The following PXDNL variants were observed in gnomAD, a reference collection of about 807,000 sequenced individuals.
The protein encoded by PXDNL is probable oxidoreductase PXDNL.
Under a neutral mutation model 150.8 loss-of-function variants are expected in PXDNL, and 145 were observed. The observed-to-expected ratio is 0.96, with a 90% confidence interval of 0.84 to 1.10. The LOEUF is 1.10. PXDNL is among the 50% of genes least tolerant of loss of function. The pLI is 0.00. For synonymous variants in PXDNL, 757 were observed against 725.7 expected (o/e 1.04, Z -0.69); for missense variants, 2,087 against 1,873.9 (o/e 1.11, Z -2.10).
intron 1 of PXDNL, among the ~76,000 whole-genome samples, chr8:51,689,024 C>T (rs187601410): frequency 2.1e-4 from 32 of 152,268 alleles, no homozygotes; most frequent in Middle Eastern, 6.8e-3. Flanking sequence ...CATTAGGAAT[C>T]GGGAATCGGC....
At chr8:51,712,903 A>G (rs1816529196) in intron 1 of PXDNL, among the ~76,000 whole-genome samples, 1 of 152,194 alleles carries the variant, frequency 6.6e-6, no homozygotes, top group African/African-American at 2.4e-5. Flanking sequence ...GTCTCAGAGC[A>G]CTCATTCTAA....
At chr8:51,434,796 T>A (rs59222218) in intron 12 of PXDNL, among the ~76,000 whole-genome samples, 1 of 152,310 alleles carries the variant, frequency 6.6e-6, no homozygotes, top group East Asian at 1.9e-4. Context: ...TATGACAGAA[T>A]GTAACACAGA....
At chr8:51,342,395 T>C (rs1191569262) in intron 20 of PXDNL, among the ~76,000 whole-genome samples, 1 of 152,098 alleles carries the variant, frequency 6.6e-6, no homozygotes, top group African/African-American at 2.4e-5. Context: ...AGGTAGCACA[T>C]GTTATTTTAG....
chr8:51,774,093 GAAGA>G (rs1246111105), intron 1 of PXDNL, among the ~76,000 whole-genome samples: 1 of 152,152 alleles, frequency 6.6e-6, no homozygotes, highest in East Asian at 1.9e-4. Flanking sequence ...GTCTAATTTA[GAAGA>G]AAGTCATTTA....
At chr8:51,502,661 G>C (rs1811210719) in intron 4 of PXDNL, among the ~76,000 whole-genome samples, 1 of 132,422 alleles carries the variant, frequency 7.6e-6, no homozygotes, top group African/African-American at 3.2e-5. Context: ...AAGCCCAGTA[G>C]AAGTGTTTTT....
intron 12 of PXDNL, among the ~76,000 whole-genome samples, chr8:51,438,353 CA>C (rs1809457294): frequency 6.6e-6 from 1 of 152,088 alleles, no homozygotes; most frequent in African/African-American, 2.4e-5. Flanking sequence ...CCCACATAAC[CA>C]AAGCAAGACT....
At chr8:51,510,121 T>G (rs929697304) in intron 4 of PXDNL, among the ~76,000 whole-genome samples, 2 of 152,130 alleles carry the variant, frequency 1.3e-5, no homozygotes, top group Non-Finnish European at 2.9e-5. Flanking sequence ...GAAGGCCAAG[T>G]CACCTATGAA....
intron 12 of PXDNL, among the ~76,000 whole-genome samples, chr8:51,439,824 CAAAA>C (rs36102488): frequency 9.8e-6 from 1 of 101,556 alleles, no homozygotes; most frequent in Admixed American, 1.2e-4. Context: ...GACTCCATCT[CAAAA>C]AAAAAAAAAA....
At chr8:51,616,335 G>A (rs1226734142) in intron 2 of PXDNL, among the ~76,000 whole-genome samples, 1 of 152,166 alleles carries the variant, frequency 6.6e-6, no homozygotes, top group Non-Finnish European at 1.5e-5. Flanking sequence ...TTGTCTGAGA[G>A]AGAACACCAA....
chr8:51,692,964 T>A (rs973801525), intron 1 of PXDNL, among the ~76,000 whole-genome samples: 5 of 152,220 alleles, frequency 3.3e-5, no homozygotes, highest in African/African-American at 1.2e-4. Context: ...TAGGCTCACA[T>A]CAGAAGTCAC....
chr8:51,511,365 C>G (rs1053037795), intron 4 of PXDNL, among the ~76,000 whole-genome samples: 2 of 152,180 alleles, frequency 1.3e-5, no homozygotes, highest in African/African-American at 4.8e-5. Context: ...TATTTGGCCT[C>G]CTTCCCTCCA....
At chr8:51,615,947 A>G (rs959492080) in intron 2 of PXDNL, among the ~76,000 whole-genome samples, 2 of 152,134 alleles carry the variant, frequency 1.3e-5, no homozygotes, top group South Asian at 2.1e-4. Context: ...GAGACTGTCC[A>G]TGCAAGTGTC....
chr8:51,674,289 C>T (rs1454915052), intron 1 of PXDNL, among the ~76,000 whole-genome samples: 2 of 152,308 alleles, frequency 1.3e-5, no homozygotes, highest in South Asian at 2.1e-4. Context: ...CTGACTGGTA[C>T]TGAGATGGAT....
chr8:51,477,420 G>A (rs1037405395), intron 6 of PXDNL, among the ~76,000 whole-genome samples: 14 of 152,200 alleles, frequency 9.2e-5, no homozygotes, highest in Non-Finnish European at 1.2e-4. Flanking sequence ...CGGGAGTGAG[G>A]TGTAAGTCAT....
At chr8:51,523,587 A>G (rs74863947) in intron 4 of PXDNL, among the ~76,000 whole-genome samples, 1 of 152,240 alleles carries the variant, frequency 6.6e-6, no homozygotes, top group Non-Finnish European at 1.5e-5. Context: ...ATTCAGCTAG[A>G]TGATGCCCAA....
chr8:51,397,836 T>G (rs532567229), intron 17 of PXDNL, among the ~76,000 whole-genome samples: 1 of 152,192 alleles, frequency 6.6e-6, no homozygotes, highest in South Asian at 2.1e-4. Context: ...ACATGTGCCA[T>G]GTTGGTGTGC....
chr8:51,674,461 G>C (rs546283333), intron 1 of PXDNL, among the ~76,000 whole-genome samples: 1 of 152,342 alleles, frequency 6.6e-6, no homozygotes, highest in African/African-American at 2.4e-5. Context: ...ACTTCTTGCA[G>C]ATTGCTTCCT....
At chr8:51,467,088 T>G (rs1366153125) in intron 8 of PXDNL, among the ~76,000 whole-genome samples, 1 of 152,150 alleles carries the variant, frequency 6.6e-6, no homozygotes, top group African/African-American at 2.4e-5. Context: ...CCCATGTGTC[T>G]GTATGTTAAT....
At chr8:51,502,754 A>G (rs1228692600) in intron 4 of PXDNL, among the ~76,000 whole-genome samples, 1 of 152,102 alleles carries the variant, frequency 6.6e-6, no homozygotes, top group Non-Finnish European at 1.5e-5. Context: ...TTTAAGTAGC[A>G]CTAGTATTCC....
Sources: gnomAD v4.1 joint callset for allele counts (sites outside exome capture counted in the v4.1 genomes callset) on GRCh38, gnomAD v4.1.1 for gene constraint, MANE v1.5 for transcripts, NCBI Gene and HGNC (gene_info 2026-07-23, HGNC 2026-07-21) for gene names.